The following DPP6 variants were observed in gnomAD, a reference collection of about 807,000 sequenced individuals.
The protein encoded by DPP6 is A-type potassium channel modulatory protein DPP6.
A neutral mutation model predicts 122.6 loss-of-function variants in DPP6; 69 were observed. The ratio of observed to expected loss-of-function variants is 0.56; its 90% CI spans 0.46 to 0.69. The LOEUF is 0.69. Ranked by LOEUF, DPP6 falls within the 30% of genes least tolerant of loss-of-function variation. The pLI is 0.00. For synonymous variants in DPP6, 418 were observed against 433.1 expected (o/e 0.97, Z 0.43); for missense variants, 928 against 1,116.9 (o/e 0.83, Z 2.41).
chr7:154,144,652 T>C lies in DPP6; in HGVS notation c.243+91589T>C, dbSNP rs1402632370. On this transcript the variant is annotated intron_variant, in intron 1 of 25. Coordinates refer to ENST00000377770, the MANE Select transcript of DPP6 (RefSeq NM_130797.4). Reference sequence around the variant, plus strand: ...TCATACCTTTATGAAGTGAATTGTGTCCTTCTCAAAATCCTTGTTTTAGCC... The same window carrying C: ...TCATACCTTTATGAAGTGAATTGTGCCCTTCTCAAAATCCTTGTTTTAGCC... 1.3e-5 allele frequency among the ~76,000 whole-genome samples: 2 copies of C among 151,750 alleles called. 1 individual carries two copies.
rs575821272 is a variant in DPP6 at position 154,878,281 on chromosome 7, C to A, written c.2078+2181C>A. Among the ~76,000 whole-genome samples, 4 of 152,232 alleles carry A rather than the reference C, an allele frequency of 2.6e-5. No homozygotes were observed. In the South Asian group the frequency reaches 8.3e-4, roughly 31 times the overall value. ...GGCAAAGGTGTTTCACACACACACACGTCGTGCCCTAAAAAGAAGGAATGG... is the reference window on the plus strand; with the variant it reads ...GGCAAAGGTGTTTCACACACACACAAGTCGTGCCCTAAAAAGAAGGAATGG... On this transcript the variant is annotated intron_variant, in intron 20 of 25. Transcript: ENST00000377770.
upstream of DPP6, among the ~76,000 whole-genome samples, chr7:153,886,319 G>A (rs1007529489): frequency 6.6e-6 from 1 of 152,194 alleles, no homozygotes. Flanking sequence ...CAGCGCCCAG[G>A]GGCAGCAGGT....
At chr7:154,866,928 A>G (rs1803919241) in intron 17 of DPP6, among the ~76,000 whole-genome samples, 2 of 150,530 alleles carry the variant, frequency 1.3e-5, no homozygotes, top group South Asian at 2.1e-4. Context: ...TCTCCTAGTT[A>G]TGGGCGGTCA....
At position 154,418,543 on chromosome 7, in the gene DPP6, C is replaced by G. The variant is rs549168269; in HGVS notation, c.244-27671C>G. Among the ~76,000 whole-genome samples the G allele has an allele frequency of 2.4e-4, 37 of 152,166 alleles. 1 individual carries two copies. In the South Asian group the frequency reaches 7.7e-3, roughly 32 times the overall value. The stretch of plus-strand genomic sequence containing the variant: ...TAATGAAATAATGAAAGAGAGTGGA[C>G]AGGGGACGGCTGGAATAGCTGATGT... On this transcript the variant is annotated intron_variant, in intron 1 of 25. Coordinates refer to ENST00000377770, the MANE Select transcript of DPP6 (RefSeq NM_130797.4).
At chr7:154,313,915 G>A (rs1807193315) in intron 1 of DPP6, among the ~76,000 whole-genome samples, 1 of 151,146 alleles carries the variant, frequency 6.6e-6, no homozygotes, top group Non-Finnish European at 1.5e-5. Flanking sequence ...CAGGTCATAT[G>A]GTACATATGA....
intron 1 of DPP6, among the ~76,000 whole-genome samples, chr7:154,319,224 C>A (rs1807707205): frequency 7.2e-6 from 1 of 138,382 alleles, no homozygotes; most frequent in Non-Finnish European, 1.6e-5. Flanking sequence ...GACCATTTTA[C>A]TGTTAGGATT....
At chr7:154,841,000 C>G (rs1801485745) in intron 16 of DPP6, among the ~76,000 whole-genome samples, 1 of 152,152 alleles carries the variant, frequency 6.6e-6, no homozygotes, top group Admixed American at 6.5e-5. Context: ...AAAATAGATT[C>G]CTATGTTCCA....
At chr7:154,035,954 C>T (rs968579309) in intron 1 of DPP6, among the ~76,000 whole-genome samples, 3 of 151,788 alleles carry the variant, frequency 2.0e-5, no homozygotes, top group Non-Finnish European at 4.4e-5. Context: ...ACTGACTAAG[C>T]CCAGTGAAAG....
Position 154,053,022 on chromosome 7 carries a change from C to G in DPP6, c.202C>G (p.Arg68Gly), listed in dbSNP as rs1299621202. 114 of 1,058,232 alleles carry G rather than the reference C, an allele frequency of 1.1e-4. 1 individual carries two copies. The highest frequency in any genetic ancestry group is 1.5e-5 in the Non-Finnish European group (13 of 876,540). The allele number at this position is 1,058,232 out of a possible 1,614,324, so 65.6% of individuals were successfully genotyped here. ...GGGGGAGGRPRFQYQARSDGD... is the reference protein window; with the variant it reads ...GGGGGAGGRPGFQYQARSDGD... ...CGGCGGCGGCGCGGGTGGCCGGCCC[C>G]GGTTCCAGTACCAGGCGCGGAGCGA... The change falls in exon 1 of 26, where the codon CGG becomes GGG. Residue 68 changes from arginine to glycine, a missense_variant. Transcript: ENST00000377770.
rs1397466741 is a variant in DPP6, at chr7:154,483,877, CAG to C, written c.457+8844_457+8845del. ...GCCTAGCTAATTTTTGTATTTTTAG[CAG>C]AGACAGGGTTTCCCCATATTGCTCA... On this transcript the variant is annotated intron_variant, in intron 3 of 25. Transcript: ENST00000377770. This position sits in a 1 kb window ranked among gnomAD's most constrained non-coding sequence, Gnocchi z 8.1. 6.6e-6 allele frequency among the ~76,000 whole-genome samples: 1 copy of C among 152,066 alleles called. No individual in the cohort carries two copies. Among genetic ancestry groups the C allele is most frequent in the Non-Finnish European group, 1.5e-5 (1 of 68,004 alleles).
At chr7:154,841,813 C>G (rs1801571660) in intron 16 of DPP6, among the ~76,000 whole-genome samples, 1 of 151,990 alleles carries the variant, frequency 6.6e-6, no homozygotes, top group Non-Finnish European at 1.5e-5. Context: ...GGATCACTTT[C>G]AAGTTCCCTG....
chr7:154,593,289 AG>A lies in DPP6; in HGVS notation c.627+26374del, dbSNP rs1453158403. Among the ~76,000 whole-genome samples the A allele has an allele frequency of 3.3e-5, 5 of 152,376 alleles. No homozygotes were observed. The East Asian group carries it at 9.6e-4, about 29-fold the overall frequency. ...TTTCCTTGGTAGGAGGAGGCAGAACAGCACACATCTTGACTGAATAATCGTG... is the reference window on the plus strand; with the variant it reads ...TTTCCTTGGTAGGAGGAGGCAGAACACACACATCTTGACTGAATAATCGTG... On this transcript the variant is annotated intron_variant, in intron 5 of 25. Coordinates refer to ENST00000377770, the MANE Select transcript of DPP6 (RefSeq NM_130797.4).
intron 1 of DPP6, among the ~76,000 whole-genome samples, chr7:154,329,145 A>T (rs1808699484): frequency 6.6e-6 from 1 of 152,222 alleles, no homozygotes; most frequent in Non-Finnish European, 1.5e-5. Context: ...TTGTGGATTT[A>T]CTTAAATATT....
intron 1 of DPP6, among the ~76,000 whole-genome samples, chr7:154,204,055 T>C (rs1799309153): frequency 1.3e-5 from 2 of 152,252 alleles, no homozygotes; most frequent in Admixed American, 6.5e-5. Context: ...ATAGCAATCC[T>C]GTTTCTGCTT....
intron 1 of DPP6, among the ~76,000 whole-genome samples, chr7:154,063,522 G>GCA (rs1802393448): frequency 1.6e-5 from 2 of 126,914 alleles, no homozygotes; most frequent in East Asian, 2.4e-4. Context: ...CATCGCAGGA[G>GCA]GGGGAGGCAC....
At chr7:154,227,936 T>C (rs368360183) in intron 1 of DPP6, among the ~76,000 whole-genome samples, 14 of 152,316 alleles carry the variant, frequency 9.2e-5, no homozygotes, top group Admixed American at 5.2e-4. Context: ...TTTAACCTGC[T>C]CAGAAATTTC....
intron 8 of DPP6, among the ~76,000 whole-genome samples, chr7:154,748,427 C>G (rs1320473506): frequency 6.6e-6 from 1 of 152,238 alleles, no homozygotes; most frequent in African/African-American, 2.4e-5. Context: ...TTCTCTCCTG[C>G]CGCCACCCAC....
chr7:154,128,406 A>AT (rs1259683197), intron 1 of DPP6, among the ~76,000 whole-genome samples: 4 of 151,908 alleles, frequency 2.6e-5, no homozygotes, highest in Non-Finnish European at 5.9e-5. Context: ...GAGACTGTCT[A>AT]TTTTTCTTTT....
intron 1 of DPP6, among the ~76,000 whole-genome samples, chr7:154,334,369 G>A (rs1276413938): frequency 6.6e-6 from 1 of 152,184 alleles, no homozygotes; most frequent in East Asian, 1.9e-4. Context: ...CATACTCACA[G>A]TAATAGCTGT....
Sources: gnomAD v4.1 joint callset for allele counts (sites outside exome capture counted in the v4.1 genomes callset) on GRCh38, gnomAD v4.1.1 for gene constraint, Gnocchi (gnomAD v3.1) non-coding constraint, MANE v1.5 for transcripts, NCBI Gene and HGNC (gene_info 2026-07-23, HGNC 2026-07-21) for gene names.